The following PTPRD variants were observed in gnomAD, a reference collection of about 807,000 sequenced individuals.
PTPRD encodes the protein protein tyrosine phosphatase receptor type D, also known as receptor-type tyrosine-protein phosphatase delta.
A neutral mutation model predicts 214.5 loss-of-function variants in PTPRD; 34 were observed. The observed-to-expected ratio is 0.16, with a 90% CI of 0.12 to 0.21. PTPRD has a LOEUF of 0.21. PTPRD is among the 10% of genes least tolerant of loss of function. PTPRD has a pLI of 1.00. For synonymous variants in PTPRD, 1,128 were observed against 845.7 expected (o/e 1.33, Z -5.79); for missense variants, 2,545 against 2,398.7 (o/e 1.06, Z -1.27).
At chr9:10,258,113 T>C (rs1219974481) in intron 3 of PTPRD, among the ~76,000 whole-genome samples, 1 of 152,218 alleles carries the variant, frequency 6.6e-6, no homozygotes, top group Non-Finnish European at 1.5e-5. Flanking sequence ...ATTCCACTCC[T>C]GGTCTTCCAA....
chr9:8,974,420 T>G (rs1005923564), intron 11 of PTPRD, among the ~76,000 whole-genome samples: 1 of 152,220 alleles, frequency 6.6e-6, no homozygotes, highest in Admixed American at 6.6e-5. Flanking sequence ...TATTATACTT[T>G]AAATTCTGGG....
At chr9:9,609,948 T>C (rs1484180946) in intron 7 of PTPRD, among the ~76,000 whole-genome samples, 1 of 152,172 alleles carries the variant, frequency 6.6e-6, no homozygotes, top group Non-Finnish European at 1.5e-5. Context: ...CAAAATTATG[T>C]GAAGATGAAT....
intron 2 of PTPRD, among the ~76,000 whole-genome samples, chr9:10,366,345 A>G (rs2097516312): frequency 6.6e-6 from 1 of 152,180 alleles, no homozygotes; most frequent in Non-Finnish European, 1.5e-5. Flanking sequence ...TAAAGGTGAG[A>G]AAGTTTGCAG....
rs1045246666 is a variant in PTPRD, at chr9:8,504,545, T to C, written c.1678-140A>G. Reference sequence around the variant, plus strand: ...TCACCAAAAGAGTCAATAGTGAGTATCCAGGGCTATACTAAGGAAATTATA... The same window carrying C: ...TCACCAAAAGAGTCAATAGTGAGTACCCAGGGCTATACTAAGGAAATTATA... On this transcript the variant is annotated intron_variant, in intron 22 of 45. Coordinates refer to ENST00000381196, the MANE Select transcript of PTPRD (RefSeq NM_002839.4). 22 of 941,458 alleles carry C rather than the reference T, an allele frequency of 2.3e-5. No individual in the cohort carries two copies. In the African/African-American group the frequency reaches 3.1e-4, roughly 13 times the overall value. The allele number at this position is 941,458 out of a possible 1,614,324, so 58.3% of individuals were successfully genotyped here.
intron 10 of PTPRD, among the ~76,000 whole-genome samples, chr9:9,138,571 T>C (rs1018536888): frequency 2.0e-5 from 3 of 152,188 alleles, no homozygotes; most frequent in Non-Finnish European, 4.4e-5. Context: ...GCCTTAACTT[T>C]TTAAAAGTAT....
chr9:8,983,274 C>A (rs2099322820), intron 11 of PTPRD, among the ~76,000 whole-genome samples: 1 of 151,794 alleles, frequency 6.6e-6, no homozygotes. Flanking sequence ...TGAAGAGATA[C>A]AGATGAAAAT....
chr9:10,014,969 A>G (rs1349149990), intron 4 of PTPRD, among the ~76,000 whole-genome samples: 2 of 152,094 alleles, frequency 1.3e-5, no homozygotes, highest in South Asian at 4.1e-4. Context: ...TGTCTTCAAT[A>G]TATGGGATCT....
chr9:9,266,311 G>A (rs1344362216), intron 9 of PTPRD, among the ~76,000 whole-genome samples: 1 of 150,824 alleles, frequency 6.6e-6, no homozygotes, highest in African/African-American at 2.4e-5. Context: ...ATAATAGTAG[G>A]GGACTTTGAC....
In PTPRD at chr9:8,352,221, G is replaced by A. The variant is rs186971606; in HGVS notation, c.4662-10243C>T. Among the ~76,000 whole-genome samples, 16 of 152,132 alleles carry A rather than the reference G, an allele frequency of 1.1e-4. 1 individual carries two copies. The East Asian group carries it at 2.7e-3, about 26-fold the overall frequency. On this transcript the variant is annotated intron_variant, in intron 39 of 45. Coordinates refer to ENST00000381196, the MANE Select transcript of PTPRD (RefSeq NM_002839.4). ...TGTGATTCTCATGATAAATTAGAAG[G>A]CTAATGTGTTCGCGTAAAGAACACC...
chr9:9,963,935 T>C (rs537623141), intron 4 of PTPRD, among the ~76,000 whole-genome samples: 26 of 152,286 alleles, frequency 1.7e-4, no homozygotes, highest in African/African-American at 6.0e-4. Flanking sequence ...CATGGAAAAT[T>C]ATGCCTCATT....
chr9:10,159,242 A>G (rs1030967336), intron 3 of PTPRD, among the ~76,000 whole-genome samples: 6 of 152,234 alleles, frequency 3.9e-5, no homozygotes, highest in African/African-American at 1.4e-4. Flanking sequence ...AAAGAAAATC[A>G]ACAGGTAAGT....
intron 9 of PTPRD, among the ~76,000 whole-genome samples, chr9:9,340,563 T>C (rs1596037673): frequency 6.6e-6 from 1 of 152,310 alleles, no homozygotes; most frequent in East Asian, 1.9e-4. Flanking sequence ...AATATATTAA[T>C]TACTGCTACA....
chr9:10,359,887 G>T (rs971561071), intron 2 of PTPRD, among the ~76,000 whole-genome samples: 9 of 152,144 alleles, frequency 5.9e-5, no homozygotes, highest in African/African-American at 2.2e-4. Flanking sequence ...TCCAAATCAA[G>T]AGTGTTACAG....
chr9:9,375,002 C>G (rs1445062270), intron 9 of PTPRD, among the ~76,000 whole-genome samples: 1 of 152,158 alleles, frequency 6.6e-6, no homozygotes, highest in African/African-American at 2.4e-5. Context: ...GAGATTCAGT[C>G]ATGCTCTCAA....
chr9:8,925,877 T>A (rs1053824992), intron 11 of PTPRD, among the ~76,000 whole-genome samples: 3 of 149,588 alleles, frequency 2.0e-5, no homozygotes, highest in Non-Finnish European at 3.0e-5. Flanking sequence ...TTTTTTTTTT[T>A]ACTGATCTCT....
chr9:8,887,112 C>T (rs1262861553), intron 11 of PTPRD, among the ~76,000 whole-genome samples: 1 of 152,192 alleles, frequency 6.6e-6, no homozygotes, highest in Non-Finnish European at 1.5e-5. Context: ...CAGTAAGTGA[C>T]TTGCCCAAGG....
intron 2 of PTPRD, among the ~76,000 whole-genome samples, chr9:10,463,606 CA>C (rs2098973629): frequency 6.6e-6 from 1 of 151,334 alleles, no homozygotes; most frequent in Non-Finnish European, 1.5e-5. Context: ...TCTTAAATTT[CA>C]AGGAAAAAGA....
chr9:8,641,832 C>A (rs994401677), intron 12 of PTPRD, among the ~76,000 whole-genome samples: 1 of 152,176 alleles, frequency 6.6e-6, no homozygotes, highest in Non-Finnish European at 1.5e-5. Flanking sequence ...TATCTTTGAA[C>A]CTAATGGGTC....
chr9:8,628,751 G>T (rs900433665), intron 14 of PTPRD, among the ~76,000 whole-genome samples: 2 of 151,740 alleles, frequency 1.3e-5, no homozygotes, highest in African/African-American at 4.8e-5. Context: ...ATTATCTTTT[G>T]TCCTAATGGT....
Sources: allele counts gnomAD v4.1 joint callset (sites outside exome capture counted in the v4.1 genomes callset), GRCh38; gene constraint gnomAD v4.1.1; transcripts MANE v1.5; gene names NCBI Gene and HGNC (gene_info 2026-07-23, HGNC 2026-07-21).